Variants in DMD observed in about 807,000 individuals in gnomAD.
The protein encoded by DMD is mutant dystrophin.
Under a neutral mutation model 330.1 loss-of-function variants are expected in DMD, and 63 were observed. That is an observed-to-expected ratio of 0.19 (90% CI 0.16 to 0.24). The LOEUF (loss-of-function observed/expected upper bound fraction) is 0.24, where lower values mean the gene tolerates loss of function less well. Ranked by LOEUF, DMD falls within the 10% of genes least tolerant of loss-of-function variation. The probability of loss-of-function intolerance (pLI) is 1.00; values close to 1 mark genes in which losing one functional copy is unlikely to be tolerated. For missense variants in DMD, 3,344 were observed against 2,684.1 expected (o/e 1.25, Z -5.43); for synonymous variants, 1,223 against 959.8 (o/e 1.27, Z -5.07).
rs56058282 is a variant in DMD at position 32,984,744 on chromosome X, G to T, written c.93+35395C>A. On this transcript the variant is annotated intron_variant, in intron 2 of 78. Coordinates refer to ENST00000357033, the MANE Select transcript of DMD (RefSeq NM_004006.3). ...TTGATTCCCATTAGAATTTGTAGGA[G>T]TAAGGAGGTAACACTTTAAATCTAC... Among the ~76,000 whole-genome samples the T allele has an allele frequency of 3.4e-3, 381 of 111,572 alleles. 1 individual carries two copies. The highest frequency in any genetic ancestry group is 8.6e-3 in the South Asian group (23 of 2,664).
chrX:32,174,328 A>C (rs1372926205), intron 44 of DMD, among the ~76,000 whole-genome samples: 1 of 112,389 alleles, frequency 8.9e-6, no homozygotes, highest in East Asian at 2.8e-4. Context: ...AGAAAAAGGA[A>C]GGGATAACTC....
intron 44 of DMD, among the ~76,000 whole-genome samples, chrX:32,098,539 C>A (rs1603625078): frequency 1.8e-5 from 2 of 111,876 alleles, no homozygotes; most frequent in Non-Finnish European, 3.8e-5. Context: ...TTGGAAAACA[C>A]TGATGTTTCT....
At chrX:32,649,458 T>C (rs1295730798) in intron 9 of DMD, among the ~76,000 whole-genome samples, 2 of 102,570 alleles carry the variant, frequency 1.9e-5, no homozygotes, top group Non-Finnish European at 3.9e-5. Context: ...GAGGCTGAGG[T>C]AGGAGGAGAA....
chrX:31,770,940 C>T (rs1055827129), intron 51 of DMD, among the ~76,000 whole-genome samples: 21 of 111,758 alleles, frequency 1.9e-4, no homozygotes, highest in African/African-American at 5.2e-4. Flanking sequence ...CTATGTTGTA[C>T]AACTTTATGT....
intron 37 of DMD, among the ~76,000 whole-genome samples, chrX:32,354,193 G>A (rs2097791093): frequency 1.8e-5 from 2 of 111,714 alleles, no homozygotes. Flanking sequence ...TAATAATCAT[G>A]ATAAATTACC....
At chrX:33,313,786 G>C (rs183398718) in intron 1 of DMD, among the ~76,000 whole-genome samples, 1 of 111,255 alleles carries the variant, frequency 9.0e-6, no homozygotes, top group Non-Finnish European at 1.9e-5. Flanking sequence ...TTTGAAATAG[G>C]TATGAAATCA....
At chrX:32,494,350 G>A (rs1411698280) in intron 19 of DMD, among the ~76,000 whole-genome samples, 1 of 111,409 alleles carries the variant, frequency 9.0e-6, no homozygotes, top group Non-Finnish European at 1.9e-5. Context: ...TGCAGGCAAT[G>A]AAAATGCAGT....
At chrX:32,467,071 A>G (rs1204307676) in intron 23 of DMD, among the ~76,000 whole-genome samples, 2 of 112,210 alleles carry the variant, frequency 1.8e-5, no homozygotes, top group African/African-American at 6.5e-5. Flanking sequence ...AGATATTTTC[A>G]TGCAGTATTT....
In DMD at chrX:31,119,608, GT is replaced by G. The variant is rs2031987330; in HGVS notation, c.*2310del. On this transcript the variant is annotated 3_prime_UTR_variant, in exon 79 of 79. Coordinates refer to ENST00000357033, the MANE Select transcript of DMD (RefSeq NM_004006.3). ...ATGACAGACTCACTCCAGAGCTAAT[GT>G]GTCTAAAAGAAAAACAAAAAGATTA... 8.9e-6 allele frequency: 1 copy of G among 112,466 alleles called. No homozygotes were observed. Among genetic ancestry groups the G allele is most frequent in the East Asian group, 2.8e-4 (1 of 3,595 alleles). The allele number at this position is 112,466 out of a possible 1,213,427, so 9.3% of individuals were successfully genotyped here.
intron 1 of DMD, among the ~76,000 whole-genome samples, chrX:33,167,844 C>A (rs1018689537): frequency 2.7e-5 from 3 of 110,952 alleles, no homozygotes; most frequent in Non-Finnish European, 5.7e-5. Flanking sequence ...GCTCATTAAC[C>A]ATTCAGTGTC....
chrX:31,139,156 G>A (rs1044830747), intron 76 of DMD, among the ~76,000 whole-genome samples: 1 of 111,325 alleles, frequency 9.0e-6, no homozygotes, highest in Non-Finnish European at 1.9e-5. Context: ...CCACAAACAT[G>A]CATAAATAAT....
intron 52 of DMD, among the ~76,000 whole-genome samples, chrX:31,722,113 ATTATTTAT>A (rs201658216): frequency 4.7e-5 from 5 of 106,908 alleles, no homozygotes; most frequent in Admixed American, 1.0e-4. Context: ...TTTCTTTTTT[ATTATTTAT>A]TTATTTATTT....
intron 44 of DMD, among the ~76,000 whole-genome samples, chrX:32,147,700 G>C (rs1419860221): frequency 1.8e-5 from 2 of 110,484 alleles, no homozygotes; most frequent in African/African-American, 6.6e-5. Context: ...AGAAAAAGCA[G>C]CCAGAAAGTT....
At chrX:31,517,918 AACACACACACACACACACAC>A (rs372551324) in intron 55 of DMD, among the ~76,000 whole-genome samples, 5 of 89,620 alleles carry the variant, frequency 5.6e-5, no homozygotes, top group Admixed American at 1.3e-4. Context: ...CTGTGTTTCA[AACACACACACACACACACAC>A]ACACACACAC....
chrX:31,612,032 T>A (rs1023185772), intron 55 of DMD, among the ~76,000 whole-genome samples: 14 of 110,938 alleles, frequency 1.3e-4, no homozygotes, highest in African/African-American at 4.6e-4. Flanking sequence ...TACATTAATA[T>A]TATATTATTA....
chrX:32,243,922 C>A (rs2097219252), intron 43 of DMD, among the ~76,000 whole-genome samples: 1 of 103,259 alleles, frequency 9.7e-6, no homozygotes, highest in African/African-American at 3.5e-5. Flanking sequence ...AGGAGTCTTG[C>A]ATTTGTATGA....
intron 57 of DMD, among the ~76,000 whole-genome samples, chrX:31,490,634 C>T (rs2069211219): frequency 1.8e-5 from 2 of 112,038 alleles, no homozygotes; most frequent in African/African-American, 3.2e-5. Flanking sequence ...GGTTGTTTTT[C>T]AGAGGTGATA....
intron 7 of DMD, among the ~76,000 whole-genome samples, chrX:32,790,887 G>C (rs937169883): frequency 9.0e-6 from 1 of 111,135 alleles, no homozygotes; most frequent in African/African-American, 3.3e-5. Context: ...ATTGCACAAG[G>C]GACCTGGGGA....
At chrX:31,832,993 T>C (rs2093087908) in intron 49 of DMD, among the ~76,000 whole-genome samples, 1 of 111,247 alleles carries the variant, frequency 9.0e-6, no homozygotes, top group Non-Finnish European at 1.9e-5. Context: ...TCTTTTGTAG[T>C]TTATATTGTT....
Sources: allele counts gnomAD v4.1 joint callset (sites outside exome capture counted in the v4.1 genomes callset), GRCh38; gene constraint gnomAD v4.1.1; transcripts MANE v1.5; gene names NCBI Gene and HGNC (gene_info 2026-07-23, HGNC 2026-07-21).